Variants in PCDHA8 observed in about 807,000 individuals in gnomAD.
The protein encoded by PCDHA8 is protocadherin alpha-8.
In PCDHA8, 53 loss-of-function variants were observed where a neutral mutation model predicts 61.8. The ratio of observed to expected loss-of-function variants is 0.86; its 90% CI spans 0.69 to 1.08. The LOEUF (loss-of-function observed/expected upper bound fraction) is 1.08. PCDHA8 is among the 50% of genes least tolerant of loss of function. The pLI, the probability that PCDHA8 is intolerant of heterozygous loss-of-function variation, is 0.00. For synonymous variants in PCDHA8, 618 were observed against 556.6 expected, an observed-to-expected ratio of 1.11 and a Z score of -1.55; for missense variants, 1,293 against 1,245.0, an observed-to-expected ratio of 1.04 and a Z score of -0.58.
intron 1 of PCDHA8, among the ~76,000 whole-genome samples, chr5:140,914,826 CA>C: frequency 6.6e-6 from 1 of 151,812 alleles, no homozygotes; most frequent in East Asian, 1.9e-4. Context: ...ACTGCATAAA[CA>C]AAAAACAAAC....
intron 3 of PCDHA8, 79 bp downstream of exon 3, chr5:140,982,642 G>T: frequency 6.5e-7 from 1 of 1,529,982 alleles, no homozygotes; most frequent in Non-Finnish European, 8.8e-7. Flanking sequence ...GATCAGGAAT[G>T]TTGATGGCTC....
rs141079325 is a variant in PCDHA8 at position 140,900,797 on chromosome 5, T to C, written c.2394+57082T>C. Among the ~76,000 whole-genome samples the C allele has an allele frequency of 8.0e-3, 1,218 of 152,324 alleles. 6 individuals carry two copies. Among genetic ancestry groups the C allele is most frequent in the African/African-American group, 0.019 (783 of 41,568 alleles). On this transcript the variant is annotated intron_variant, in intron 1 of 3. Coordinates refer to ENST00000531613, the MANE Select transcript of PCDHA8 (RefSeq NM_018911.3). ...TGAGGAAACTCCAAACTGTTCTCCA[T>C]AGTGCTTGTACTAATTTACATTCCC...
intron 1 of PCDHA8, chr5:140,927,680 G>T: frequency 6.2e-7 from 1 of 1,614,140 alleles, no homozygotes; most frequent in Non-Finnish European, 8.5e-7. Context: ...CCAGATGAAG[G>T]GTCCAATGGG....
At chr5:140,883,052 A>G (rs1554176592) in intron 1 of PCDHA8, 1 of 1,614,134 alleles carries the variant, frequency 6.2e-7, no homozygotes, top group East Asian at 2.2e-5. Flanking sequence ...AACATTAGTG[A>G]TCAAGCTAAA....
At chr5:140,932,113 T>G (rs2088043197) in intron 1 of PCDHA8, among the ~76,000 whole-genome samples, 1 of 151,918 alleles carries the variant, frequency 6.6e-6, no homozygotes, top group South Asian at 2.1e-4. Flanking sequence ...TATTTCCAAT[T>G]GATAATATTT....
chr5:140,881,480 TTG>T, intron 1 of PCDHA8: 2 of 445,316 alleles, frequency 4.5e-6, no homozygotes, highest in Non-Finnish European at 5.9e-6. Context: ...GGCTAAATTA[TTG>T]TGTTTATGCA....
At chr5:140,954,275 T>C (rs1447578594) in intron 1 of PCDHA8, among the ~76,000 whole-genome samples, 1 of 152,218 alleles carries the variant, frequency 6.6e-6, no homozygotes, top group Non-Finnish European at 1.5e-5. Context: ...AATAGGATGA[T>C]TTATATTCCT....
At chr5:141,000,079 G>A (rs1233130123) in intron 3 of PCDHA8, among the ~76,000 whole-genome samples, 2 of 152,102 alleles carry the variant, frequency 1.3e-5, no homozygotes, top group Non-Finnish European at 2.9e-5. Flanking sequence ...CACAATGCTA[G>A]GCCTGTGAAT....
In PCDHA8 at chr5:140,946,774, T is replaced by G. The variant is rs57013515; in HGVS notation, c.2395-32175T>G. On this transcript the variant is annotated intron_variant, in intron 1 of 3. Coordinates refer to ENST00000531613, the MANE Select transcript of PCDHA8 (RefSeq NM_018911.3). ...TGCATGATCTCATTCATGTGGAATGTAAAAAAGCTGATCTTATAGAAGCAG... is the reference window on the plus strand; with the variant it reads ...TGCATGATCTCATTCATGTGGAATGGAAAAAAGCTGATCTTATAGAAGCAG... Among the ~76,000 whole-genome samples, 481 of 151,404 alleles carry G rather than the reference T, an allele frequency of 3.2e-3. 2 individuals are homozygous for G. Among genetic ancestry groups the G allele is most frequent in the African/African-American group, 0.011 (462 of 41,264 alleles).
intron 1 of PCDHA8, among the ~76,000 whole-genome samples, chr5:140,886,142 TA>T (rs1473876165): frequency 6.6e-6 from 1 of 152,180 alleles, no homozygotes; most frequent in African/African-American, 2.4e-5. Flanking sequence ...AGATTCTTGA[TA>T]TCACCTTTTT....
intron 1 of PCDHA8, among the ~76,000 whole-genome samples, chr5:140,962,388 C>T (rs782676502): frequency 5.9e-5 from 9 of 152,254 alleles, no homozygotes; most frequent in South Asian, 4.1e-4. Flanking sequence ...GTTAATATTA[C>T]GCAATCTGCC....
At chr5:140,888,147 A>G (rs1182114974) in intron 1 of PCDHA8, among the ~76,000 whole-genome samples, 1 of 152,064 alleles carries the variant, frequency 6.6e-6, no homozygotes, top group African/African-American at 2.4e-5. Flanking sequence ...GCTGTTTTGC[A>G]TGACTGGTAA....
rs1458261257 is a variant in PCDHA8, at chr5:140,941,194, TCTTTCTTCCTTTCTTTCTTC to T, written c.2395-37747_2395-37728del. Among the ~76,000 whole-genome samples the T allele has an allele frequency of 1.9e-3, 217 of 112,428 alleles. 2 individuals carry two copies. Among genetic ancestry groups the T allele is most frequent in the African/African-American group, 6.9e-3 (195 of 28,326 alleles). 73.8% of individuals were successfully genotyped at this position (112,428 alleles called of 152,430 possible). A position where few individuals can be genotyped will look rare whatever the true frequency, so the allele number is the denominator to read the frequency against. On this transcript the variant is annotated intron_variant, in intron 1 of 3. Coordinates refer to ENST00000531613, the MANE Select transcript of PCDHA8 (RefSeq NM_018911.3). ...CTTGAACATCCTGCTTCTTTTTTTT[TCTTTCTTCCTTTCTTTCTTC>T]CTTTCTTTCTTTCTTTCTTTCTTTC...
At chr5:140,923,275 C>CA (rs1328074482) in intron 1 of PCDHA8, among the ~76,000 whole-genome samples, 5 of 152,128 alleles carry the variant, frequency 3.3e-5, no homozygotes, top group African/African-American at 9.7e-5. Flanking sequence ...CTTGTCTCTA[C>CA]AAAAAATTAA....
chr5:140,890,550 C>A (rs1162286556), intron 1 of PCDHA8, among the ~76,000 whole-genome samples: 1 of 151,958 alleles, frequency 6.6e-6, no homozygotes, highest in Admixed American at 6.6e-5. Context: ...TGACTGAGTA[C>A]TTTTTATTGT....
intron 3 of PCDHA8, chr5:140,989,112 T>C (rs1312650713): frequency 1.3e-5 from 2 of 152,222 alleles, no homozygotes; most frequent in Non-Finnish European, 2.9e-5. Context: ...CTTTTGAATA[T>C]ATCTTAGAAA....
chr5:140,844,617 C>G lies in PCDHA8; in HGVS notation c.2394+902C>G, dbSNP rs1271034254. 1.3e-5 allele frequency among the ~76,000 whole-genome samples: 2 copies of G among 149,204 alleles called. 1 individual carries two copies. The highest frequency in any genetic ancestry group is 4.9e-5 in the African/African-American group (2 of 40,768). ...AATATATGACTTAGAAAAATGTTTT[C>G]ATCAGAAAAACTATACATGATAATT... On this transcript the variant is annotated intron_variant, in intron 1 of 3. Coordinates refer to ENST00000531613, the MANE Select transcript of PCDHA8 (RefSeq NM_018911.3).
At chr5:140,928,760 T>G (rs782568767) in intron 1 of PCDHA8, 6 of 1,614,060 alleles carry the variant, frequency 3.7e-6, no homozygotes, top group Non-Finnish European at 5.1e-6. Flanking sequence ...ACTGCTCGCT[T>G]AGTTCTTCCC....
chr5:140,965,990 G>A (rs1292240100), intron 1 of PCDHA8, among the ~76,000 whole-genome samples: 4 of 152,194 alleles, frequency 2.6e-5, no homozygotes, highest in African/African-American at 9.6e-5. Context: ...ACTTTCTGCA[G>A]TACTTAAGAG....
Sources: allele counts gnomAD v4.1 joint callset (sites outside exome capture counted in the v4.1 genomes callset), GRCh38; gene constraint gnomAD v4.1.1; transcripts MANE v1.5; gene names NCBI Gene and HGNC (gene_info 2026-07-23, HGNC 2026-07-21).